The following RBMS1 variants were observed in gnomAD, a reference collection of about 807,000 sequenced individuals.
RBMS1 encodes RNA-binding motif, single-stranded-interacting protein 1.
A neutral mutation model predicts 62.3 loss-of-function variants in RBMS1; 17 were observed. That is an observed-to-expected ratio of 0.27 (90% CI 0.19 to 0.41). The LOEUF is 0.41. Among genes scored for constraint, RBMS1 ranks in the 10% least tolerant of loss-of-function variants. The probability of loss-of-function intolerance (pLI) is 1.00; values close to 1 mark genes in which losing one functional copy is unlikely to be tolerated. For synonymous variants in RBMS1, 172 were observed against 170.0 expected, an observed-to-expected ratio of 1.01 and a Z score of -0.09; for missense variants, 334 against 504.5, an observed-to-expected ratio of 0.66 and a Z score of 3.24.
chr2:160,488,823 T>C (rs1227971987), intron 1 of RBMS1, among the ~76,000 whole-genome samples: 5 of 152,180 alleles, frequency 3.3e-5, no homozygotes, highest in Non-Finnish European at 5.9e-5. Context: ...ATTATTTCTA[T>C]AATATTCCAA....
intron 1 of RBMS1, among the ~76,000 whole-genome samples, chr2:160,374,208 T>C (rs1693875676): frequency 6.6e-6 from 1 of 152,184 alleles, no homozygotes; most frequent in African/African-American, 2.4e-5. Flanking sequence ...TGAGCTGTGA[T>C]TGTGCCACTG....
chr2:160,359,960 C>A (rs755977354), intron 2 of RBMS1, among the ~76,000 whole-genome samples: 6 of 152,028 alleles, frequency 3.9e-5, no homozygotes, highest in Non-Finnish European at 5.9e-5. Flanking sequence ...TTAAAATATT[C>A]TTTTAAATCC....
intron 10 of RBMS1, among the ~76,000 whole-genome samples, chr2:160,280,834 T>C (rs1028085044): frequency 1.3e-5 from 2 of 152,234 alleles, no homozygotes; most frequent in African/African-American, 4.8e-5. Context: ...ATGTAATATA[T>C]ATGAATGCTC....
chr2:160,316,434 C>T (rs1690223829), intron 3 of RBMS1, among the ~76,000 whole-genome samples: 1 of 152,140 alleles, frequency 6.6e-6, no homozygotes. Context: ...CTTCTTGTAT[C>T]TAAAATAAGT....
intron 1 of RBMS1, among the ~76,000 whole-genome samples, chr2:160,486,423 G>A (rs1353281178): frequency 2.0e-5 from 3 of 152,162 alleles, no homozygotes; most frequent in African/African-American, 4.8e-5. Flanking sequence ...GGTCTGGGAA[G>A]ATGATGCATT....
At chr2:160,316,424 CTTCTTGTATCTAAAAT>C (rs931272599) in intron 3 of RBMS1, among the ~76,000 whole-genome samples, 2 of 152,142 alleles carry the variant, frequency 1.3e-5, no homozygotes, top group African/African-American at 4.8e-5. Flanking sequence ...CTCCAGGAGA[CTTCTTGTATCTAAAAT>C]AAGTTCTGAA....
intron 6 of RBMS1, among the ~76,000 whole-genome samples, chr2:160,296,890 T>G (rs1559338412): frequency 6.6e-6 from 1 of 152,194 alleles, no homozygotes. Flanking sequence ...CATTCAGATA[T>G]GAGCACCAGT....
intron 1 of RBMS1, among the ~76,000 whole-genome samples, chr2:160,418,585 T>A (rs1696294819): frequency 6.6e-6 from 1 of 152,198 alleles, no homozygotes; most frequent in Non-Finnish European, 1.5e-5. Flanking sequence ...ATACTTCATA[T>A]TTGTTCAGGA....
intron 1 of RBMS1, among the ~76,000 whole-genome samples, chr2:160,429,579 A>G (rs1481651807): frequency 6.6e-6 from 1 of 152,244 alleles, no homozygotes; most frequent in Non-Finnish European, 1.5e-5. Flanking sequence ...TTTGGGGAAT[A>G]TATCTTTTCC....
At chr2:160,302,034 TG>T (rs1356845480) in intron 5 of RBMS1, among the ~76,000 whole-genome samples, 2 of 152,312 alleles carry the variant, frequency 1.3e-5, no homozygotes, top group Non-Finnish European at 1.5e-5. Flanking sequence ...CTTTTATACA[TG>T]GGCTTTTAGA....
intron 1 of RBMS1, among the ~76,000 whole-genome samples, chr2:160,398,024 C>G (rs1467352429): frequency 6.6e-6 from 1 of 152,170 alleles, no homozygotes; most frequent in African/African-American, 2.4e-5. Context: ...TCCCAATGCT[C>G]CACCTATTAA....
chr2:160,438,959 G>C (rs1348682240), intron 1 of RBMS1, among the ~76,000 whole-genome samples: 6 of 147,228 alleles, frequency 4.1e-5, no homozygotes, highest in East Asian at 2.1e-4. Context: ...TCCCAGTAGG[G>C]GCGGCCGGGC....
At chr2:160,487,640 C>T (rs549776061) in intron 1 of RBMS1, among the ~76,000 whole-genome samples, 8 of 152,318 alleles carry the variant, frequency 5.3e-5, no homozygotes, top group African/African-American at 1.9e-4. Context: ...GGAAATCACC[C>T]ACCAACATTG....
Position 160,450,578 on chromosome 2 carries a change from AAC to A in RBMS1, c.75+42709_75+42710del, listed in dbSNP as rs1449366296. 6.3e-3 allele frequency among the ~76,000 whole-genome samples: 935 copies of A among 149,404 alleles called. 24 individuals carry two copies. Among genetic ancestry groups the A allele is most frequent in the African/African-American group, 0.022 (882 of 40,540 alleles). ...AAATAAAAAATGAAAAAAAAAAAAA[AAC>A]AAAAAACATTAACCCAGTTTGTAAT... On this transcript the variant is annotated intron_variant, in intron 1 of 13. Transcript: ENST00000348849.
intron 1 of RBMS1, among the ~76,000 whole-genome samples, chr2:160,437,042 C>T (rs1683139814): frequency 6.6e-6 from 1 of 152,210 alleles, no homozygotes. Flanking sequence ...AAAGGGAATA[C>T]TCTCCAAGGT....
At chr2:160,358,750 A>G (rs147979471) in intron 2 of RBMS1, among the ~76,000 whole-genome samples, 96 of 152,270 alleles carry the variant, frequency 6.3e-4, no homozygotes, top group African/African-American at 2.3e-3. Flanking sequence ...GGGAAGACTA[A>G]AACATTTTTT....
chr2:160,409,367 G>A (rs1192797311), intron 1 of RBMS1, among the ~76,000 whole-genome samples: 4 of 151,150 alleles, frequency 2.6e-5, no homozygotes, highest in Admixed American at 6.6e-5. Flanking sequence ...CAAAATTTAC[G>A]TAAAAATCTG....
Position 160,300,871 on chromosome 2 carries a change from T to G in RBMS1, c.561-141A>C, listed in dbSNP as rs576797774. On this transcript the variant is annotated intron_variant, in intron 5 of 13. Transcript: ENST00000348849. ...AAATGTGAATATGATAAAGGGTCTA[T>G]TCTACCTTTTATCTAACTGCTGCTT... is the stretch of plus-strand genomic sequence containing the variant. 8.6e-6 allele frequency: 8 copies of G among 932,474 alleles called. No individual in the cohort carries two copies. The East Asian group carries it at 2.2e-4, about 25-fold the overall frequency. The allele number at this position is 932,474 out of a possible 1,614,324, so 57.8% of individuals were successfully genotyped here.
intron 1 of RBMS1, among the ~76,000 whole-genome samples, chr2:160,383,464 G>GGGGA (rs71003491): frequency 6.9e-6 from 1 of 144,892 alleles, no homozygotes; most frequent in Admixed American, 6.8e-5. Context: ...GGGGGGGGGG[G>GGGGA]AACTGACCCA....
Sources: gnomAD v4.1 joint callset for allele counts (sites outside exome capture counted in the v4.1 genomes callset) on GRCh38, gnomAD v4.1.1 for gene constraint, MANE v1.5 for transcripts, NCBI Gene and HGNC (gene_info 2026-07-23, HGNC 2026-07-21) for gene names.